CPEB3: variants seen among roughly 807,000 people sequenced by gnomAD.
CPEB3 encodes cytoplasmic polyadenylation element binding protein 3, also known as cytoplasmic polyadenylation element-binding protein 3.
In CPEB3, 20 loss-of-function variants were observed where a neutral mutation model predicts 67.2. The observed-to-expected ratio is 0.30, with a 90% CI of 0.21 to 0.43. CPEB3 has a LOEUF of 0.43. Among genes scored for constraint, CPEB3 ranks in the 20% least tolerant of loss-of-function variants. The pLI is 1.00. For missense variants in CPEB3, 746 were observed against 968.6 expected (o/e 0.77, Z 3.05); for synonymous variants, 376 against 393.1 (o/e 0.96, Z 0.51).
chr10:92,085,048 A>C (rs1031802589), intron 8 of CPEB3, among the ~76,000 whole-genome samples: 1 of 152,156 alleles, frequency 6.6e-6, no homozygotes, highest in Non-Finnish European at 1.5e-5. Flanking sequence ...TACTAAACAG[A>C]ATTTCTAGTC....
In CPEB3 at chr10:92,067,093, T is replaced by C. The variant is rs964706066; in HGVS notation, c.1869+14227A>G. On this transcript the variant is annotated intron_variant, in intron 9 of 9. Coordinates refer to ENST00000265997, the MANE Select transcript of CPEB3 (RefSeq NM_014912.5). ...AAAATAATAAATAAATTTATTTTTT[T>C]ATAAATAAAAATATTTTATTAATAA... 3.3e-3 allele frequency among the ~76,000 whole-genome samples: 501 copies of C among 150,928 alleles called. 3 individuals are homozygous for C. The highest frequency in any genetic ancestry group is 5.1e-3 in the Non-Finnish European group (348 of 67,690).
intron 2 of CPEB3, among the ~76,000 whole-genome samples, chr10:92,209,900 C>A (rs1437929931): frequency 2.8e-5 from 4 of 144,176 alleles, no homozygotes; most frequent in African/African-American, 1.0e-4. Flanking sequence ...TGAGATCTTG[C>A]CACTGCATTC....
At chr10:92,149,342 C>T (rs1372983979) in intron 4 of CPEB3, among the ~76,000 whole-genome samples, 1 of 152,218 alleles carries the variant, frequency 6.6e-6, no homozygotes, top group Non-Finnish European at 1.5e-5. Flanking sequence ...ACCATAACTT[C>T]TATTACTTCC....
At chr10:92,196,821 A>G (rs1255646249) in intron 2 of CPEB3, among the ~76,000 whole-genome samples, 1 of 151,720 alleles carries the variant, frequency 6.6e-6, no homozygotes, top group East Asian at 1.9e-4. Context: ...AATCCCAGCT[A>G]CTTCAGAGGC....
Position 92,240,010 on chromosome 10 carries a change from C to T in CPEB3, c.341G>A (p.Gly114Asp). The change falls in exon 2 of 10, where the codon GGC becomes GAC. Residue 114 changes from glycine (G) to aspartate (D), a missense_variant. Around this residue, in one of 2 missense-constraint regions of CPEB3, gnomAD observed 643 missense variants for 717.5 expected, o/e 0.90. Transcript: ENST00000265997. ...GCTGTCCTCTACCGCGTTGGTGGTG[C>T]CCGTGGACCAGGTGCTGCCGAAGGA... is the stretch of plus-strand genomic sequence containing the variant. The part of the protein sequence containing the change: ...SPSFGSTWST[G>D]TTNAVEDSFF... The T allele has an allele frequency of 6.2e-7, 1 of 1,609,646 alleles. No individual in the cohort carries two copies. The highest frequency in any genetic ancestry group is 8.5e-7 in the Non-Finnish European group (1 of 1,178,068).
chr10:92,077,575 G>T (rs1260635560), intron 9 of CPEB3, among the ~76,000 whole-genome samples: 6 of 152,032 alleles, frequency 3.9e-5, no homozygotes, highest in Non-Finnish European at 7.4e-5. Context: ...TGGGCAATAT[G>T]GTGAAACCTT....
chr10:92,270,142 G>C (rs1853242801), intron 1 of CPEB3, among the ~76,000 whole-genome samples: 1 of 152,174 alleles, frequency 6.6e-6, no homozygotes, highest in African/African-American at 2.4e-5. Context: ...TGAGCAAGAA[G>C]ATAAATTTCC....
intron 9 of CPEB3, among the ~76,000 whole-genome samples, chr10:92,063,123 C>T (rs953721798): frequency 6.6e-6 from 1 of 152,160 alleles, no homozygotes; most frequent in Non-Finnish European, 1.5e-5. Flanking sequence ...AAGAGAAAGC[C>T]ATACTTTTTA....
chr10:92,052,332 C>G lies in CPEB3; in HGVS notation c.1977G>C (p.Leu659=), dbSNP rs765854491. Residue 659 remains leucine (L), a synonymous_variant, in exon 10 of 10, where the codon CTG becomes CTC. Coordinates refer to ENST00000265997, the MANE Select transcript of CPEB3 (RefSeq NM_014912.5). The part of the protein sequence containing the change: ...APFFCANVTC[L]QYYCEYCWAS... Reference sequence around the variant, plus strand: ...CCCAGCAGTATTCACAGTAATACTGCAGACAGGTGACGTTGGCACAGAAGA... The same window carrying G: ...CCCAGCAGTATTCACAGTAATACTGGAGACAGGTGACGTTGGCACAGAAGA... 1.2e-6 allele frequency: 2 copies of G among 1,614,224 alleles called. No individual in the cohort carries two copies. Among genetic ancestry groups the G allele is most frequent in the South Asian group, 1.1e-5 (1 of 91,082 alleles).
At chr10:92,148,974 C>T (rs1269572508) in intron 4 of CPEB3, among the ~76,000 whole-genome samples, 1 of 149,632 alleles carries the variant, frequency 6.7e-6, no homozygotes, top group East Asian at 2.0e-4. Flanking sequence ...AATCTTGGCT[C>T]ACTGCAACCT....
intron 7 of CPEB3, among the ~76,000 whole-genome samples, chr10:92,094,875 C>T (rs927144424): frequency 6.6e-6 from 1 of 151,738 alleles, no homozygotes; most frequent in African/African-American, 2.4e-5. Flanking sequence ...AATCTCTCTT[C>T]TAATCTCATT....
At chr10:92,240,980 G>T (rs1295548125) in intron 1 of CPEB3, among the ~76,000 whole-genome samples, 1 of 152,138 alleles carries the variant, frequency 6.6e-6, no homozygotes, top group Non-Finnish European at 1.5e-5. Context: ...GCATTTGTTA[G>T]AAGGACTCAG....
At chr10:92,142,981 T>C (rs769200789) in intron 6 of CPEB3, 48 bp downstream of exon 6, 1 of 1,359,496 alleles carries the variant, frequency 7.4e-7, no homozygotes, top group Non-Finnish European at 1.0e-6. Context: ...TGAACTGTCA[T>C]GCTATCTCTC....
chr10:92,249,403 C>T (rs917975570), intron 1 of CPEB3, among the ~76,000 whole-genome samples: 50 of 150,402 alleles, frequency 3.3e-4, no homozygotes, highest in African/African-American at 1.1e-3. Context: ...AATTATAGCA[C>T]ATACAATTAT....
chr10:92,096,426 C>T (rs1041302266), intron 7 of CPEB3, among the ~76,000 whole-genome samples: 3 of 151,966 alleles, frequency 2.0e-5, no homozygotes, highest in Middle Eastern at 3.2e-3. Flanking sequence ...CTGTATAGGG[C>T]TAACTCTGTG....
intron 7 of CPEB3, among the ~76,000 whole-genome samples, chr10:92,100,870 C>T (rs1018945246): frequency 3.3e-5 from 5 of 152,200 alleles, no homozygotes; most frequent in East Asian, 1.9e-4. Context: ...GGATTACAGG[C>T]GTGAGCCACC....
chr10:92,270,473 G>A (rs1427859166), intron 1 of CPEB3, among the ~76,000 whole-genome samples: 2 of 151,964 alleles, frequency 1.3e-5, no homozygotes, highest in Non-Finnish European at 2.9e-5. Context: ...GAGTTCAACT[G>A]GGAAACAGGA....
intron 4 of CPEB3, among the ~76,000 whole-genome samples, chr10:92,163,775 T>G (rs1847608846): frequency 1.3e-5 from 2 of 152,220 alleles, no homozygotes; most frequent in South Asian, 4.1e-4. Flanking sequence ...ACTAGGCAAG[T>G]TATAATTGAA....
intron 3 of CPEB3, among the ~76,000 whole-genome samples, chr10:92,190,050 G>A (rs1042838468): frequency 1.2e-4 from 18 of 151,822 alleles, no homozygotes; most frequent in Non-Finnish European, 1.9e-4. Flanking sequence ...AGGCCAAGGC[G>A]GGCAATCACC....
Sources: allele counts gnomAD v4.1 joint callset (sites outside exome capture counted in the v4.1 genomes callset), GRCh38; gene constraint gnomAD v4.1.1; regional missense constraint gnomAD v4.1.1; transcripts MANE v1.5; gene names NCBI Gene and HGNC (gene_info 2026-07-23, HGNC 2026-07-21).